GALNT13: variants seen among roughly 807,000 people sequenced by gnomAD.
GALNT13 encodes polypeptide N-acetylgalactosaminyltransferase 13, also known as UDP-GalNAc:polypeptide N-acetylgalactosaminyltransferase 13.
A neutral mutation model predicts 64.2 loss-of-function variants in GALNT13; 28 were observed. The observed-to-expected ratio is 0.44, with a 90% CI of 0.32 to 0.60. The LOEUF (loss-of-function observed/expected upper bound fraction) is 0.60. Ranked by LOEUF, GALNT13 falls within the 20% of genes least tolerant of loss-of-function variation. GALNT13 has a pLI of 0.05. For synonymous variants in GALNT13, 214 were observed against 224.6 expected, an observed-to-expected ratio of 0.95 and a Z score of 0.42; for missense variants, 577 against 669.8, an observed-to-expected ratio of 0.86 and a Z score of 1.53.
the GALNT13 span, among the ~76,000 whole-genome samples, chr2:153,577,633 A>G: frequency 1.2e-4 from 18 of 152,040 alleles, no homozygotes; most frequent in Non-Finnish European, 4.4e-5. Context: ...GTTCATACAC[A>G]TATATTTACA....
chr2:153,424,510 A>G, the GALNT13 span, among the ~76,000 whole-genome samples: 1 of 151,884 alleles, frequency 6.6e-6, no homozygotes, highest in Non-Finnish European at 1.5e-5. Context: ...TAAGCTGCAA[A>G]TTAACATTAG....
chr2:153,417,299 A>T, the GALNT13 span, among the ~76,000 whole-genome samples: 1 of 152,176 alleles, frequency 6.6e-6, no homozygotes, highest in Non-Finnish European at 1.5e-5. Flanking sequence ...GACGGGGAGC[A>T]GATGATGTAG....
At chr2:154,110,200 G>T (rs1419956230) in intron 3 of GALNT13, among the ~76,000 whole-genome samples, 1 of 145,254 alleles carries the variant, frequency 6.9e-6, no homozygotes, top group Non-Finnish European at 1.5e-5. Context: ...TGTTGTTGTT[G>T]TTTTAGTTTT....
chr2:153,276,879 G>T, the GALNT13 span, among the ~76,000 whole-genome samples: 1 of 152,096 alleles, frequency 6.6e-6, no homozygotes, highest in African/African-American at 2.4e-5. Context: ...AAAATAAAAA[G>T]AAGTCCTTAA....
At position 153,963,729 on chromosome 2, in the gene GALNT13, C is replaced by CTGTG. The variant is rs1357755350; in HGVS notation, c.142+19091_142+19092insGTGT. On this transcript the variant is annotated intron_variant, in intron 3 of 12. Transcript: ENST00000392825. ...TCTCTCCGTCTCTCTCTCTCTCTCTCTCTGTGTGTGTGTGTGTGTGTGTGT... is the reference window on the plus strand; with the variant it reads ...TCTCTCCGTCTCTCTCTCTCTCTCTCTGTGTCTGTGTGTGTGTGTGTGTGTGTGT... Among the ~76,000 whole-genome samples, 503 of 117,162 alleles carry CTGTG rather than the reference C, an allele frequency of 4.3e-3. 1 individual carries two copies. Among genetic ancestry groups the CTGTG allele is most frequent in the Middle Eastern group, 9.4e-3 (2 of 212 alleles). 76.9% of individuals were successfully genotyped at this position (117,162 alleles called of 152,430 possible). A position where few individuals can be genotyped will look rare whatever the true frequency, so the allele number is the denominator to read the frequency against.
the GALNT13 span, among the ~76,000 whole-genome samples, chr2:153,791,619 A>G: frequency 6.6e-6 from 1 of 152,164 alleles, no homozygotes; most frequent in Non-Finnish European, 1.5e-5. Flanking sequence ...AAAGACGCAT[A>G]CATGTGTATG....
the GALNT13 span, among the ~76,000 whole-genome samples, chr2:153,176,064 G>T: frequency 6.6e-6 from 1 of 152,182 alleles, no homozygotes; most frequent in African/African-American, 2.4e-5. Context: ...TAAAGCTAAA[G>T]AGTAAGCCAA....
the GALNT13 span, among the ~76,000 whole-genome samples, chr2:153,587,575 A>G: frequency 6.6e-6 from 1 of 152,106 alleles, no homozygotes; most frequent in Admixed American, 6.6e-5. Flanking sequence ...ATCTCATGAG[A>G]CTTATTCACT....
At chr2:153,459,610 A>G in the GALNT13 span, among the ~76,000 whole-genome samples, 1 of 152,164 alleles carries the variant, frequency 6.6e-6, no homozygotes, top group East Asian at 1.9e-4. Flanking sequence ...ACAAAATCCT[A>G]TGAAGCTTTA....
At chr2:153,634,955 ATC>A in the GALNT13 span, among the ~76,000 whole-genome samples, 10 of 151,830 alleles carry the variant, frequency 6.6e-5, no homozygotes, top group Non-Finnish European at 1.3e-4. Flanking sequence ...GGAGGCAGGC[ATC>A]TTGATCTCTA....
At chr2:153,099,766 C>T in the GALNT13 span, among the ~76,000 whole-genome samples, 331 of 152,176 alleles carry the variant, frequency 2.2e-3, 1 homozygote, top group African/African-American at 7.7e-3. Flanking sequence ...TTGCATAATA[C>T]GTGTTGTGCA....
chr2:153,435,387 G>A, the GALNT13 span, among the ~76,000 whole-genome samples: 1 of 152,088 alleles, frequency 6.6e-6, no homozygotes, highest in African/African-American at 2.4e-5. Flanking sequence ...TAGCTTGATG[G>A]GGATGGCATT....
At chr2:153,362,814 T>C in the GALNT13 span, among the ~76,000 whole-genome samples, 1 of 152,202 alleles carries the variant, frequency 6.6e-6, no homozygotes, top group African/African-American at 2.4e-5. Flanking sequence ...ACTGTCAATA[T>C]TAGACGGATC....
At chr2:154,021,481 C>G (rs1334957145) in intron 3 of GALNT13, among the ~76,000 whole-genome samples, 9 of 152,160 alleles carry the variant, frequency 5.9e-5, no homozygotes, top group African/African-American at 2.2e-4. Flanking sequence ...TGGGAATTCA[C>G]TCATGATTTG....
intron 9 of GALNT13, among the ~76,000 whole-genome samples, chr2:154,340,137 A>T (rs1490307640): frequency 6.6e-6 from 1 of 152,152 alleles, no homozygotes; most frequent in Admixed American, 6.6e-5. Context: ...TATTATTTCC[A>T]TTGGCTGTGC....
chr2:153,257,100 T>C, the GALNT13 span, among the ~76,000 whole-genome samples: 11 of 152,198 alleles, frequency 7.2e-5, no homozygotes, highest in South Asian at 2.1e-4. Flanking sequence ...TAGCAATCAG[T>C]GAGACTCCCT....
chr2:153,106,788 A>G, the GALNT13 span, among the ~76,000 whole-genome samples: 1 of 152,184 alleles, frequency 6.6e-6, no homozygotes, highest in Non-Finnish European at 1.5e-5. Flanking sequence ...CATGGAAATT[A>G]GTGCTCACCT....
At chr2:153,591,642 A>C in the GALNT13 span, among the ~76,000 whole-genome samples, 11,105 of 152,064 alleles carry the variant, frequency 0.073, 716 homozygotes, top group African/African-American at 0.17. Context: ...GGGAAGAATA[A>C]AGCTATATCT....
At chr2:153,308,088 G>A in the GALNT13 span, among the ~76,000 whole-genome samples, 1 of 152,112 alleles carries the variant, frequency 6.6e-6, no homozygotes, top group Non-Finnish European at 1.5e-5. Context: ...TGCTGCTGAT[G>A]AAACTGATGA....
Sources: gnomAD v4.1 joint callset for allele counts (sites outside exome capture counted in the v4.1 genomes callset) on GRCh38, gnomAD v4.1.1 for gene constraint, MANE v1.5 for transcripts, NCBI Gene and HGNC (gene_info 2026-07-23, HGNC 2026-07-21) for gene names.